Variants in LSAMP observed in about 807,000 individuals in gnomAD.
LSAMP encodes limbic system associated membrane protein, also known as limbic system-associated membrane protein.
Under a neutral mutation model 38.6 loss-of-function variants are expected in LSAMP, and 7 were observed. The observed-to-expected ratio is 0.18, with a 90% CI of 0.10 to 0.34. The LOEUF (loss-of-function observed/expected upper bound fraction) is 0.34. Among genes scored for constraint, LSAMP ranks in the 10% least tolerant of loss-of-function variants. The pLI is 1.00. For synonymous variants in LSAMP, 154 were observed against 166.8 expected, an observed-to-expected ratio of 0.92 and a Z score of 0.59; for missense variants, 313 against 420.0, an observed-to-expected ratio of 0.75 and a Z score of 2.23.
chr3:116,102,785 A>ATCTATCTATCTATCTATCTGTCTG (rs562864883), intron 1 of LSAMP, among the ~76,000 whole-genome samples: 15 of 151,804 alleles, frequency 9.9e-5, no homozygotes, highest in African/African-American at 3.6e-4. Context: ...CTATCTATCT[A>ATCTATCTATCTATCTATCTGTCTG]TCTGTCTGTC....
intron 1 of LSAMP, among the ~76,000 whole-genome samples, chr3:116,225,543 TAAC>T (rs1310586692): frequency 1.3e-5 from 2 of 152,164 alleles, no homozygotes; most frequent in African/African-American, 4.8e-5. Flanking sequence ...TTATTACAAA[TAAC>T]AAAATTATTG....
chr3:116,151,833 C>T (rs1305086653), intron 1 of LSAMP, among the ~76,000 whole-genome samples: 9 of 151,862 alleles, frequency 5.9e-5, no homozygotes, highest in Admixed American at 5.9e-4. Context: ...TAGCCACTTG[C>T]TTCTCAATAC....
intron 1 of LSAMP, among the ~76,000 whole-genome samples, chr3:116,246,554 TTGTC>T (rs1179969550): frequency 6.6e-6 from 1 of 152,200 alleles, no homozygotes; most frequent in Admixed American, 6.5e-5. Flanking sequence ...TAGTCCTAGT[TTGTC>T]TGAGAAAATT....
intron 6 of LSAMP, among the ~76,000 whole-genome samples, chr3:115,812,234 G>A (rs1297767266): frequency 6.6e-6 from 1 of 152,110 alleles, no homozygotes; most frequent in Non-Finnish European, 1.5e-5. Flanking sequence ...TGTATTATGT[G>A]TAAATCTATG....
chr3:116,072,759 T>G (rs1251011237), intron 2 of LSAMP, among the ~76,000 whole-genome samples: 3 of 150,504 alleles, frequency 2.0e-5, no homozygotes, highest in South Asian at 2.1e-4. Context: ...GTGGTTTTTT[T>G]TTTTTTTTTT....
intron 3 of LSAMP, among the ~76,000 whole-genome samples, chr3:115,993,429 C>G (rs1313117492): frequency 6.6e-6 from 1 of 151,986 alleles, no homozygotes; most frequent in Non-Finnish European, 1.5e-5. Flanking sequence ...GAATCAATTC[C>G]TCAAAATTTC....
In LSAMP at chr3:115,850,764, A is replaced by G. The variant is rs185566874; in HGVS notation, c.649+1719T>C. The stretch of plus-strand genomic sequence containing the variant: ...TAGATTCCTCTAGGTTTGATGTGAA[A>G]GAGATTTTGCTGCTTGTTTCAGAGG... On this transcript the variant is annotated intron_variant, in intron 4 of 6. Transcript: ENST00000490035. Among the ~76,000 whole-genome samples, 165 of 152,288 alleles carry G rather than the reference A, an allele frequency of 1.1e-3. 1 individual carries two copies. The highest frequency in any genetic ancestry group is 3.9e-3 in the African/African-American group (163 of 41,550).
At chr3:115,982,725 T>C (rs1347532467) in intron 3 of LSAMP, among the ~76,000 whole-genome samples, 1 of 152,104 alleles carries the variant, frequency 6.6e-6, no homozygotes, top group Non-Finnish European at 1.5e-5. Context: ...GTAGTGCTGA[T>C]TGTATTTCTC....
At chr3:116,065,157 T>C (rs571791829) in intron 2 of LSAMP, among the ~76,000 whole-genome samples, 2 of 152,294 alleles carry the variant, frequency 1.3e-5, no homozygotes, top group South Asian at 4.1e-4. Context: ...ACGTTTAGTT[T>C]GGATTTGTGA....
intron 1 of LSAMP, among the ~76,000 whole-genome samples, chr3:116,406,851 T>C (rs1195960158): frequency 6.6e-6 from 1 of 150,770 alleles, no homozygotes; most frequent in African/African-American, 2.4e-5. Flanking sequence ...CAGTAGAAAA[T>C]GTAAGTATAA....
chr3:115,955,439 G>T (rs902152338), intron 3 of LSAMP, among the ~76,000 whole-genome samples: 9 of 152,082 alleles, frequency 5.9e-5, no homozygotes, highest in African/African-American at 1.9e-4. Context: ...TGTGGTATTA[G>T]ACTTCATTCA....
intron 1 of LSAMP, among the ~76,000 whole-genome samples, chr3:116,304,933 G>T (rs544910839): frequency 3.9e-5 from 6 of 152,228 alleles, no homozygotes; most frequent in African/African-American, 1.4e-4. Context: ...TGGAAGAAAA[G>T]GACGAAAGTC....
intron 1 of LSAMP, among the ~76,000 whole-genome samples, chr3:116,195,774 A>AT (rs1710869743): frequency 1.3e-5 from 2 of 151,906 alleles, no homozygotes; most frequent in African/African-American, 2.4e-5. Context: ...TTTTGCAAAG[A>AT]TTTTTTCATA....
At chr3:115,813,976 T>G (rs1197521404) in intron 6 of LSAMP, among the ~76,000 whole-genome samples, 3 of 152,168 alleles carry the variant, frequency 2.0e-5, no homozygotes, top group Admixed American at 2.0e-4. Flanking sequence ...ACAATTCAAA[T>G]TTTGCTATGT....
chr3:115,866,234 T>C (rs1338845295), intron 3 of LSAMP, among the ~76,000 whole-genome samples: 1 of 152,158 alleles, frequency 6.6e-6, no homozygotes, highest in Non-Finnish European at 1.5e-5. Flanking sequence ...CTCATTTGCC[T>C]ACCAGTTCTA....
chr3:116,300,334 T>C (rs1046450367), intron 1 of LSAMP, among the ~76,000 whole-genome samples: 1 of 152,174 alleles, frequency 6.6e-6, no homozygotes, highest in East Asian at 1.9e-4. Context: ...GGTTTGAACC[T>C]GAATACACAG....
intron 1 of LSAMP, among the ~76,000 whole-genome samples, chr3:116,425,132 A>T (rs752891396): frequency 2.0e-5 from 3 of 152,170 alleles, no homozygotes; most frequent in African/African-American, 7.2e-5. Context: ...AGGAAATGCA[A>T]TTATCACCCA....
chr3:115,854,857 A>T (rs996245797), intron 3 of LSAMP, among the ~76,000 whole-genome samples: 2 of 152,250 alleles, frequency 1.3e-5, no homozygotes, highest in African/African-American at 4.8e-5. Context: ...AATAGGTATA[A>T]GCTCATTGAA....
At position 115,955,716 on chromosome 3, in the gene LSAMP, A is replaced by C. The variant is rs534155466; in HGVS notation, c.514+63799T>G. On this transcript the variant is annotated intron_variant, in intron 3 of 6. Transcript: ENST00000490035. ...AATTACCCAGGTACTTTTAATAGAC[A>C]GCAGCAAAAGAAAACCTCTCTAGTT... Among the ~76,000 whole-genome samples, 5 of 152,350 alleles carry C rather than the reference A, an allele frequency of 3.3e-5. No homozygotes were observed. In the South Asian group the frequency reaches 1.0e-3, roughly 32 times the overall value.
Sources: allele counts gnomAD v4.1 joint callset (sites outside exome capture counted in the v4.1 genomes callset), GRCh38; gene constraint gnomAD v4.1.1; transcripts MANE v1.5; gene names NCBI Gene and HGNC (gene_info 2026-07-23, HGNC 2026-07-21).